CLEC16A: variants seen among roughly 807,000 people sequenced by gnomAD.
CLEC16A encodes C-type lectin domain containing 16A, also known as protein CLEC16A.
CLEC16A carries 51 observed loss-of-function variants against 109.5 expected under a neutral mutation model. That is an observed-to-expected ratio of 0.47 (90% CI 0.37 to 0.59). The LOEUF is 0.59. Among genes scored for constraint, CLEC16A ranks in the 20% least tolerant of loss-of-function variants. CLEC16A has a pLI of 0.00. For synonymous variants in CLEC16A, 673 were observed against 564.2 expected, an observed-to-expected ratio of 1.19 and a Z score of -2.73; for missense variants, 1,339 against 1,394.0, an observed-to-expected ratio of 0.96 and a Z score of 0.63.
At chr16:11,157,215 A>G (rs1404880914) in intron 22 of CLEC16A, 1 of 1,234,194 alleles carries the variant, frequency 8.1e-7, no homozygotes, top group Admixed American at 3.2e-5. Flanking sequence ...AATAAAAAGT[A>G]TTTAAGCGTT....
intron 19 of CLEC16A, among the ~76,000 whole-genome samples, chr16:11,069,831 A>G (rs2048967896): frequency 6.6e-6 from 1 of 152,250 alleles, no homozygotes; most frequent in Non-Finnish European, 1.5e-5. Flanking sequence ...AACTATTTAC[A>G]TAGCCATCTC....
At chr16:11,013,224 A>G (rs893233274) in intron 11 of CLEC16A, among the ~76,000 whole-genome samples, 1 of 152,238 alleles carries the variant, frequency 6.6e-6, no homozygotes, top group Non-Finnish European at 1.5e-5. Flanking sequence ...ACAATGTTGA[A>G]TGAAATGATG....
intron 19 of CLEC16A, among the ~76,000 whole-genome samples, chr16:11,076,494 C>T (rs1178037210): frequency 6.6e-6 from 1 of 152,128 alleles, no homozygotes. Context: ...TCTGGGGCTC[C>T]GCCTACACAC....
intron 19 of CLEC16A, among the ~76,000 whole-genome samples, chr16:11,115,462 C>T (rs1453149114): frequency 6.6e-6 from 1 of 152,144 alleles, no homozygotes; most frequent in Non-Finnish European, 1.5e-5. Flanking sequence ...GCCTCAACCT[C>T]CCTGGGCTCA....
chr16:11,112,064 C>G (rs1280836138), intron 19 of CLEC16A, among the ~76,000 whole-genome samples: 1 of 152,200 alleles, frequency 6.6e-6, no homozygotes, highest in Non-Finnish European at 1.5e-5. Flanking sequence ...GAGAACGCAG[C>G]TATGAAAAAT....
rs751592742 is a variant in CLEC16A at position 11,020,304 on chromosome 16, CT to C, written c.1416del (p.Glu473ArgfsTer47). 6.2e-7 allele frequency: 1 copy of C among 1,612,434 alleles called. No individual in the cohort carries two copies. Among genetic ancestry groups the C allele is most frequent in the South Asian group, 1.1e-5 (1 of 90,828 alleles). On this transcript the variant is annotated frameshift_variant, in exon 12 of 24. Transcript: ENST00000409790. LOFTEE classifies it high-confidence loss of function. The part of the protein sequence containing the change: ...DEEKSAAATC[S>X]ESTQWSRPFL... The stretch of plus-strand genomic sequence containing the variant: ...GAGAAAAGCGCCGCCGCCACCTGCT[CT>C]GAGAGCACGCAATGGAGCAGGTAGC...
chr16:11,034,611 C>T (rs984820606), intron 13 of CLEC16A, among the ~76,000 whole-genome samples: 2 of 152,086 alleles, frequency 1.3e-5, no homozygotes, highest in Non-Finnish European at 2.9e-5. Flanking sequence ...AGGGGACACC[C>T]GTTCTGAGTC....
chr16:11,148,971 A>G (rs2054183545), intron 22 of CLEC16A, among the ~76,000 whole-genome samples: 2 of 152,234 alleles, frequency 1.3e-5, no homozygotes, highest in African/African-American at 4.8e-5. Flanking sequence ...AAGGGAAGAA[A>G]AAACTAATAG....
At chr16:10,946,824 C>T (rs534833348) in intron 1 of CLEC16A, among the ~76,000 whole-genome samples, 13 of 152,298 alleles carry the variant, frequency 8.5e-5, no homozygotes, top group African/African-American at 2.9e-4. Flanking sequence ...TTCCATTTTA[C>T]GGAAGTGGAA....
At chr16:11,093,544 C>T (rs966387252) in intron 19 of CLEC16A, among the ~76,000 whole-genome samples, 3 of 152,184 alleles carry the variant, frequency 2.0e-5, no homozygotes, top group African/African-American at 7.2e-5. Context: ...TCACCTTTCT[C>T]TTCATATCTA....
chr16:11,056,214 G>C (rs61280649), intron 18 of CLEC16A, among the ~76,000 whole-genome samples: 19,559 of 152,084 alleles, frequency 0.13, 1,280 homozygotes, highest in African/African-American at 0.14. Context: ...ACCAACCACG[G>C]GTCAAATCCC....
intron 13 of CLEC16A, chr16:11,036,146 G>A (rs2047003303): frequency 1.3e-5 from 2 of 152,502 alleles, no homozygotes. Context: ...ACAGTCAGGG[G>A]AATGGAACCA....
intron 12 of CLEC16A, among the ~76,000 whole-genome samples, chr16:11,021,077 C>T (rs1340038916): frequency 3.3e-5 from 5 of 152,226 alleles, no homozygotes; most frequent in African/African-American, 1.2e-4. Flanking sequence ...CTCTGTCAGC[C>T]TGCGAGGCAT....
intron 22 of CLEC16A, among the ~76,000 whole-genome samples, chr16:11,162,336 A>G (rs1460119915): frequency 6.6e-6 from 1 of 152,220 alleles, no homozygotes; most frequent in East Asian, 1.9e-4. Flanking sequence ...AGAGAGCTTC[A>G]GAGGGCAGAA....
At chr16:11,149,931 G>A (rs1397951059) in intron 22 of CLEC16A, 3 of 152,220 alleles carry the variant, frequency 2.0e-5, no homozygotes, top group Middle Eastern at 3.4e-3. Flanking sequence ...CAGAGCTGAT[G>A]AACAGAACAG....
intron 19 of CLEC16A, among the ~76,000 whole-genome samples, chr16:11,116,254 G>A (rs1357945198): frequency 6.6e-6 from 1 of 151,866 alleles, no homozygotes; most frequent in East Asian, 1.9e-4. Flanking sequence ...AAATAGCCAG[G>A]CGTGGTGGTG....
At position 10,954,648 on chromosome 16, in the gene CLEC16A, G is replaced by A. The variant is rs566673555; in HGVS notation, c.81-3134G>A. On this transcript the variant is annotated intron_variant, in intron 1 of 23. Coordinates refer to ENST00000409790, the MANE Select transcript of CLEC16A (RefSeq NM_015226.3). This position sits in a 1 kb window ranked among gnomAD's most constrained non-coding sequence, Gnocchi z 4.2. ...CACCCAGCTAATAAGTGATGGAGGTGTGCTCAGACCCAGGCATTCCAGTGT... is the reference window on the plus strand; with the variant it reads ...CACCCAGCTAATAAGTGATGGAGGTATGCTCAGACCCAGGCATTCCAGTGT... Among the ~76,000 whole-genome samples, 2 of 152,312 alleles carry A rather than the reference G, an allele frequency of 1.3e-5. No individual in the cohort carries two copies. Among genetic ancestry groups the A allele is most frequent in the Admixed American group, 6.5e-5 (1 of 15,300 alleles).
At position 11,179,540 on chromosome 16, in the gene CLEC16A, G is replaced by T. The variant is rs2068894056; in HGVS notation, c.*850G>T. The T allele has an allele frequency of 6.6e-6, 1 of 152,218 alleles. No homozygotes were observed. Among genetic ancestry groups the T allele is most frequent in the Non-Finnish European group, 1.5e-5 (1 of 68,056 alleles). The allele number at this position is 152,218 out of a possible 1,614,324, so 9.4% of individuals were successfully genotyped here. A position where few individuals can be genotyped will look rare whatever the true frequency, so the allele number is the denominator to read the frequency against. On this transcript the variant is annotated 3_prime_UTR_variant, in exon 24 of 24. Transcript: ENST00000409790. ...TCCAGGAAAAGGAGGAATGTAGCCAGCTCCCCACTCAGGACGCTTCCTCAT... is the reference window on the plus strand; with the variant it reads ...TCCAGGAAAAGGAGGAATGTAGCCATCTCCCCACTCAGGACGCTTCCTCAT...
chr16:11,034,595 G>T (rs1437306661), intron 13 of CLEC16A, among the ~76,000 whole-genome samples: 3 of 152,112 alleles, frequency 2.0e-5, no homozygotes, highest in African/African-American at 7.2e-5. Context: ...CTGTCCACGG[G>T]TGGACAGGGG....
Sources: allele counts gnomAD v4.1 joint callset (sites outside exome capture counted in the v4.1 genomes callset), GRCh38; gene constraint gnomAD v4.1.1; non-coding constraint Gnocchi (gnomAD v3.1); transcripts MANE v1.5; gene names NCBI Gene and HGNC (gene_info 2026-07-23, HGNC 2026-07-21).